Variants in WWOX observed in about 807,000 individuals in gnomAD.
The protein encoded by WWOX is WW domain containing oxidoreductase.
Under a neutral mutation model 46.2 loss-of-function variants are expected in WWOX, and 69 were observed. That is an observed-to-expected ratio of 1.49 (90% CI 1.23 to 1.82). The LOEUF (loss-of-function observed/expected upper bound fraction) is 1.82, where lower values mean the gene tolerates loss of function less well. Ranked by LOEUF, WWOX falls within the 40% of genes most tolerant of loss-of-function variation. The pLI, the probability that WWOX is intolerant of heterozygous loss-of-function variation, is 0.00. For synonymous variants in WWOX, 359 were observed against 202.6 expected, an observed-to-expected ratio of 1.77 and a Z score of -6.56; for missense variants, 919 against 542.6, an observed-to-expected ratio of 1.69 and a Z score of -6.89.
intron 8 of WWOX, among the ~76,000 whole-genome samples, chr16:79,189,585 G>A (rs893872616): frequency 1.7e-4 from 26 of 152,012 alleles, no homozygotes; most frequent in Non-Finnish European, 3.1e-4. Context: ...ACCTGCATGA[G>A]CCACTGTGCC....
intron 5 of WWOX, among the ~76,000 whole-genome samples, chr16:78,310,345 C>T (rs1054502759): frequency 6.6e-6 from 1 of 152,228 alleles, no homozygotes. Flanking sequence ...CTCACACATG[C>T]ACGCACACAC....
chr16:78,865,841 C>G (rs193112019), intron 8 of WWOX, among the ~76,000 whole-genome samples: 30 of 152,126 alleles, frequency 2.0e-4, no homozygotes, highest in African/African-American at 6.5e-4. Flanking sequence ...ATTGCACCAC[C>G]GCACTCCAGC....
At chr16:78,906,379 C>T (rs1363046553) in intron 8 of WWOX, among the ~76,000 whole-genome samples, 3 of 152,124 alleles carry the variant, frequency 2.0e-5, no homozygotes, top group Non-Finnish European at 4.4e-5. Context: ...GCAAATATAG[C>T]CTGATAAGGA....
intron 8 of WWOX, among the ~76,000 whole-genome samples, chr16:79,187,883 T>C (rs941731297): frequency 6.6e-6 from 1 of 152,234 alleles, no homozygotes; most frequent in Non-Finnish European, 1.5e-5. Context: ...GAAAGAATTA[T>C]GAATGAATTC....
chr16:78,972,068 C>T (rs1490744818), intron 8 of WWOX, among the ~76,000 whole-genome samples: 2 of 152,176 alleles, frequency 1.3e-5, no homozygotes, highest in African/African-American at 4.8e-5. Context: ...GCCGGAAGGT[C>T]TCCCCGTATA....
At chr16:78,921,190 A>G (rs2151269759) in intron 8 of WWOX, among the ~76,000 whole-genome samples, 1 of 152,306 alleles carries the variant, frequency 6.6e-6, no homozygotes. Flanking sequence ...TAATGAGGGT[A>G]TTCAAGTCTG....
At chr16:79,175,663 A>G (rs1201730301) in intron 8 of WWOX, among the ~76,000 whole-genome samples, 1 of 152,126 alleles carries the variant, frequency 6.6e-6, no homozygotes, top group Non-Finnish European at 1.5e-5. Flanking sequence ...TCTGATTCTG[A>G]TGAAGGATGT....
At chr16:78,439,145 G>A (rs546827007) in intron 8 of WWOX, among the ~76,000 whole-genome samples, 1 of 152,270 alleles carries the variant, frequency 6.6e-6, no homozygotes, top group Admixed American at 6.5e-5. Context: ...CACATACAAG[G>A]CAGAGGGTGT....
intron 8 of WWOX, among the ~76,000 whole-genome samples, chr16:79,201,773 A>T: frequency 7.0e-6 from 1 of 143,672 alleles, no homozygotes. Context: ...TTCCATCCCT[A>T]TTTATGAAAA....
intron 5 of WWOX, among the ~76,000 whole-genome samples, chr16:78,293,925 C>T (rs565306264): frequency 3.2e-5 from 4 of 123,758 alleles, no homozygotes; most frequent in East Asian, 5.5e-4. Flanking sequence ...TGCAGTGAGC[C>T]GATGTCATAT....
chr16:78,563,657 A>C (rs2044494093), intron 8 of WWOX, among the ~76,000 whole-genome samples: 1 of 152,094 alleles, frequency 6.6e-6, no homozygotes, highest in East Asian at 1.9e-4. Flanking sequence ...TAAATTATCC[A>C]GGAGGAATGA....
chr16:78,106,661 C>G (rs569541296), intron 1 of WWOX, among the ~76,000 whole-genome samples: 3 of 152,260 alleles, frequency 2.0e-5, no homozygotes, highest in Non-Finnish European at 2.9e-5. Context: ...GGTAATCCGC[C>G]TGCCTTGCCC....
chr16:78,471,930 C>G (rs2084231938), intron 8 of WWOX, among the ~76,000 whole-genome samples: 1 of 151,960 alleles, frequency 6.6e-6, no homozygotes, highest in Non-Finnish European at 1.5e-5. Context: ...GTTTTTGATT[C>G]TACACATACT....
intron 8 of WWOX, among the ~76,000 whole-genome samples, chr16:78,602,904 C>A (rs536664584): frequency 8.7e-4 from 132 of 152,262 alleles, no homozygotes; most frequent in African/African-American, 3.1e-3. Context: ...TCCGCTCTGT[C>A]TTCTGCATAC....
At chr16:78,291,732 C>CAA (rs1332132659) in intron 5 of WWOX, among the ~76,000 whole-genome samples, 1 of 151,872 alleles carries the variant, frequency 6.6e-6, no homozygotes, top group Non-Finnish European at 1.5e-5. Context: ...AAAAAAAAAG[C>CAA]AAAATTAGCA....
At chr16:78,342,633 C>G (rs7193966) in intron 5 of WWOX, among the ~76,000 whole-genome samples, 49,641 of 118,394 alleles carry the variant, frequency 0.42, 18,185 homozygotes, top group African/African-American at 0.49. Flanking sequence ...GACAGGGAAG[C>G]CCAGAAAAAT....
intron 8 of WWOX, among the ~76,000 whole-genome samples, chr16:78,755,066 G>C (rs2049605989): frequency 6.6e-6 from 1 of 150,974 alleles, no homozygotes; most frequent in South Asian, 2.1e-4. Context: ...GGGGAAAGGG[G>C]AGGGAGAGCA....
intron 8 of WWOX, among the ~76,000 whole-genome samples, chr16:78,798,043 C>A (rs1466208429): frequency 6.6e-6 from 1 of 151,994 alleles, no homozygotes; most frequent in Non-Finnish European, 1.5e-5. Flanking sequence ...AAATCTTAGC[C>A]CATGGAATCC....
intron 5 of WWOX, among the ~76,000 whole-genome samples, chr16:78,316,032 G>C (rs1034800947): frequency 6.6e-6 from 1 of 152,018 alleles, no homozygotes; most frequent in Admixed American, 6.6e-5. Flanking sequence ...GATCACTTGA[G>C]GTCAGGAGTT....
Sources: allele counts gnomAD v4.1 joint callset (sites outside exome capture counted in the v4.1 genomes callset), GRCh38; gene constraint gnomAD v4.1.1; transcripts MANE v1.5; gene names NCBI Gene and HGNC (gene_info 2026-07-23, HGNC 2026-07-21).